NRXN1: variants seen among roughly 807,000 people sequenced by gnomAD.
NRXN1 encodes the protein neurexin 1.
In NRXN1, 39 loss-of-function variants were observed where a neutral mutation model predicts 150.9. The ratio of observed to expected loss-of-function variants is 0.26; its 90% CI spans 0.20 to 0.34. The LOEUF (loss-of-function observed/expected upper bound fraction) is 0.34. Among genes scored for constraint, NRXN1 ranks in the 10% least tolerant of loss-of-function variants. The pLI, the probability that NRXN1 is intolerant of heterozygous loss-of-function variation, is 1.00. For synonymous variants in NRXN1, 924 were observed against 757.0 expected, an observed-to-expected ratio of 1.22 and a Z score of -3.62; for missense variants, 1,815 against 1,949.9, an observed-to-expected ratio of 0.93 and a Z score of 1.30.
At chr2:50,188,371 C>A (rs481505) in intron 18 of NRXN1, among the ~76,000 whole-genome samples, 2 of 151,852 alleles carry the variant, frequency 1.3e-5, no homozygotes, top group Admixed American at 6.6e-5. Context: ...CAAAAATTAA[C>A]TCAAGATGGA....
chr2:50,820,110 T>C (rs1031739441), intron 5 of NRXN1, among the ~76,000 whole-genome samples: 2 of 151,738 alleles, frequency 1.3e-5, no homozygotes, highest in Non-Finnish European at 2.9e-5. Flanking sequence ...GATATTCTTT[T>C]AGCCCTGGGG....
At chr2:51,027,258 T>G (rs1575274264) in intron 2 of NRXN1, among the ~76,000 whole-genome samples, 1 of 152,178 alleles carries the variant, frequency 6.6e-6, no homozygotes, top group South Asian at 2.1e-4. Context: ...GGGAGTAGTG[T>G]TGGTAGAAAG....
intron 10 of NRXN1, among the ~76,000 whole-genome samples, chr2:50,532,453 C>G (rs2105216772): frequency 6.6e-6 from 1 of 152,090 alleles, no homozygotes; most frequent in South Asian, 2.1e-4. Context: ...TATTACCAAA[C>G]AACAGATAAT....
chr2:50,951,364 A>T (rs1691307154), intron 2 of NRXN1, among the ~76,000 whole-genome samples: 1 of 152,188 alleles, frequency 6.6e-6, no homozygotes, highest in Non-Finnish European at 1.5e-5. Context: ...AATGCAAAGG[A>T]CAGTACAGTA....
At position 49,976,214 on chromosome 2, in the gene NRXN1, G is replaced by C. The variant is rs369427304; in HGVS notation, c.4129-32423C>G. On this transcript the variant is annotated intron_variant, in intron 21 of 22. Transcript: ENST00000401669. ...ATTTTTTTTTTTTTTTGTATTTTTAGTAGAGATGGGGTTACACCATGTTGG... is the reference window on the plus strand; with the variant it reads ...ATTTTTTTTTTTTTTTGTATTTTTACTAGAGATGGGGTTACACCATGTTGG... Among the ~76,000 whole-genome samples, 166 of 149,456 alleles carry C rather than the reference G, an allele frequency of 1.1e-3. 1 individual carries two copies. Among genetic ancestry groups the C allele is most frequent in the African/African-American group, 4.0e-3 (162 of 40,598 alleles).
intron 5 of NRXN1, among the ~76,000 whole-genome samples, chr2:50,827,920 G>A (rs1435718258): frequency 6.9e-6 from 1 of 145,670 alleles, no homozygotes; most frequent in Non-Finnish European, 1.5e-5. Context: ...ACAGGTTTGG[G>A]GGTAAGGTCA....
intron 5 of NRXN1, among the ~76,000 whole-genome samples, chr2:50,742,521 T>C (rs1699548021): frequency 6.7e-6 from 1 of 149,406 alleles, no homozygotes; most frequent in Non-Finnish European, 1.5e-5. Flanking sequence ...GGCAGGAGAA[T>C]CGTTTGAGCC....
At chr2:49,963,432 G>C (rs1245010192) in intron 21 of NRXN1, among the ~76,000 whole-genome samples, 6 of 152,278 alleles carry the variant, frequency 3.9e-5, no homozygotes, top group African/African-American at 1.4e-4. Flanking sequence ...CAGAAGGAAG[G>C]AGAAAAGCTA....
intron 17 of NRXN1, among the ~76,000 whole-genome samples, chr2:50,373,297 A>T (rs989738581): frequency 2.7e-4 from 38 of 139,918 alleles, no homozygotes; most frequent in South Asian, 1.8e-3. Flanking sequence ...TTTATTTTTT[A>T]TTATTATTAT....
intron 9 of NRXN1, among the ~76,000 whole-genome samples, chr2:50,549,717 ATTAAAGAGC>A (rs1667155029): frequency 6.6e-6 from 1 of 152,222 alleles, no homozygotes; most frequent in Admixed American, 6.5e-5. Flanking sequence ...ATTTGGATGA[ATTAAAGAGC>A]TTAAACAGAA....
intron 21 of NRXN1, among the ~76,000 whole-genome samples, chr2:49,966,832 T>C (rs1288864857): frequency 6.6e-6 from 1 of 152,088 alleles, no homozygotes; most frequent in East Asian, 1.9e-4. Context: ...ATCATATAGA[T>C]TTCCCAACGA....
chr2:50,706,638 G>A (rs891449314), intron 5 of NRXN1, among the ~76,000 whole-genome samples: 4 of 151,992 alleles, frequency 2.6e-5, no homozygotes, highest in Admixed American at 6.6e-5. Flanking sequence ...AAATATTTCA[G>A]TTCTCTCTGA....
At chr2:50,005,604 AAAAAC>A (rs1350841018) in intron 21 of NRXN1, among the ~76,000 whole-genome samples, 1 of 152,140 alleles carries the variant, frequency 6.6e-6, no homozygotes, top group Non-Finnish European at 1.5e-5. Flanking sequence ...CATTACTACT[AAAAAC>A]AAAACAAAAG....
intron 18 of NRXN1, among the ~76,000 whole-genome samples, chr2:50,197,328 T>C (rs1264662643): frequency 6.6e-6 from 1 of 152,142 alleles, no homozygotes; most frequent in African/African-American, 2.4e-5. Flanking sequence ...TACATGCCAT[T>C]AGCATATCAA....
intron 18 of NRXN1, among the ~76,000 whole-genome samples, chr2:50,154,230 T>A (rs905838953): frequency 6.6e-6 from 1 of 151,280 alleles, no homozygotes; most frequent in East Asian, 1.9e-4. Flanking sequence ...AAGATCTGAA[T>A]AAAAAAAAGA....
At chr2:50,371,238 T>A (rs747695694) in intron 17 of NRXN1, among the ~76,000 whole-genome samples, 3 of 151,998 alleles carry the variant, frequency 2.0e-5, no homozygotes, top group Non-Finnish European at 4.4e-5. Context: ...TGTGCTTTCA[T>A]TTGATTATTA....
chr2:50,375,875 AT>A (rs2080450572), intron 17 of NRXN1, among the ~76,000 whole-genome samples: 1 of 152,054 alleles, frequency 6.6e-6, no homozygotes, highest in Non-Finnish European at 1.5e-5. Context: ...GGAAAAAACA[AT>A]TTTAGGCTCC....
intron 2 of NRXN1, among the ~76,000 whole-genome samples, chr2:51,005,273 C>T (rs979768154): frequency 1.3e-5 from 2 of 151,898 alleles, no homozygotes; most frequent in Admixed American, 1.3e-4. Flanking sequence ...AAAAAATCTA[C>T]ACATTTTTAA....
intron 2 of NRXN1, among the ~76,000 whole-genome samples, chr2:51,027,065 C>G (rs1330447315): frequency 6.6e-6 from 1 of 152,174 alleles, no homozygotes; most frequent in African/African-American, 2.4e-5. Context: ...CATTTCTCAT[C>G]AAACACATGC....
Sources: gnomAD v4.1 joint callset for allele counts (sites outside exome capture counted in the v4.1 genomes callset) on GRCh38, gnomAD v4.1.1 for gene constraint, MANE v1.5 for transcripts, NCBI Gene and HGNC (gene_info 2026-07-23, HGNC 2026-07-21) for gene names.